The following FOXJ3 variants were observed in gnomAD, a reference collection of about 807,000 sequenced individuals.
FOXJ3 encodes forkhead box protein J3.
Under a neutral mutation model 76.1 loss-of-function variants are expected in FOXJ3, and 22 were observed. The ratio of observed to expected loss-of-function variants is 0.29; its 90% CI spans 0.21 to 0.41. The LOEUF (loss-of-function observed/expected upper bound fraction) is 0.41, where lower values mean the gene tolerates loss of function less well. Among genes scored for constraint, FOXJ3 ranks in the 10% least tolerant of loss-of-function variants. The pLI, the probability that FOXJ3 is intolerant of heterozygous loss-of-function variation, is 1.00. For missense variants in FOXJ3, 613 were observed against 762.1 expected (o/e 0.80, Z 2.30); for synonymous variants, 269 against 261.2 (o/e 1.03, Z -0.29).
At chr1:42,201,091 G>GTGGCTAGTAT (rs1646756113) in intron 6 of FOXJ3, among the ~76,000 whole-genome samples, 1 of 18,330 alleles carries the variant, frequency 5.5e-5, no homozygotes, top group South Asian at 1.8e-3. Flanking sequence ...TTATTTTCAA[G>GTGGCTAGTAT]GCAGAAATAA....
chr1:42,309,869 T>C (rs1397929285), intron 2 of FOXJ3, among the ~76,000 whole-genome samples: 1 of 152,226 alleles, frequency 6.6e-6, no homozygotes, highest in Non-Finnish European at 1.5e-5. Context: ...AGAAGTCATA[T>C]GTTTATCTGC....
Position 42,280,425 on chromosome 1 carries a change from T to C in FOXJ3, c.45-1753A>G, listed in dbSNP as rs1652610103. ...GAACTTTAAATTCATCCATATAGCA[T>C]CTTCAGAGATCTTAAAAAAAAAAAA... is the stretch of plus-strand genomic sequence containing the variant. On this transcript the variant is annotated intron_variant, in intron 2 of 12. Coordinates refer to ENST00000361346, the MANE Select transcript of FOXJ3 (RefSeq NM_014947.5). 4 of 223,730 alleles carry C rather than the reference T, an allele frequency of 1.8e-5. No individual in the cohort carries two copies. In the Middle Eastern group the frequency reaches 7.4e-3, roughly 415 times the overall value. The allele number at this position is 223,730 out of a possible 1,614,324, so 13.9% of individuals were successfully genotyped here.
chr1:42,237,714 A>C (rs1648802453), intron 4 of FOXJ3, among the ~76,000 whole-genome samples: 1 of 151,824 alleles, frequency 6.6e-6, no homozygotes. Context: ...AAGATAGCAA[A>C]TATATTCTCC....
upstream of FOXJ3, chr1:42,335,748 G>C (rs1290884667): frequency 6.6e-6 from 1 of 152,286 alleles, no homozygotes; most frequent in East Asian, 1.9e-4. Flanking sequence ...CCTCTTTTCA[G>C]AACTTCATGA....
intron 3 of FOXJ3, among the ~76,000 whole-genome samples, chr1:42,273,385 A>G (rs1400911689): frequency 2.6e-5 from 4 of 152,202 alleles, no homozygotes; most frequent in African/African-American, 9.7e-5. Context: ...AGACGAAATC[A>G]GCTGAGGACC....
At chr1:42,292,581 C>A (rs1419864341) in intron 2 of FOXJ3, among the ~76,000 whole-genome samples, 3 of 152,088 alleles carry the variant, frequency 2.0e-5, no homozygotes, top group African/African-American at 7.2e-5. Context: ...ATGTAAAAAT[C>A]TAGAAAATGC....
At chr1:42,307,456 T>C (rs1458963830) in intron 2 of FOXJ3, among the ~76,000 whole-genome samples, 1 of 152,230 alleles carries the variant, frequency 6.6e-6, no homozygotes, top group African/African-American at 2.4e-5. Flanking sequence ...ATGTCTATCT[T>C]TGTGATACTT....
At chr1:42,194,530 C>G (rs547945371) in intron 8 of FOXJ3, among the ~76,000 whole-genome samples, 1 of 152,328 alleles carries the variant, frequency 6.6e-6, no homozygotes, top group South Asian at 2.1e-4. Flanking sequence ...AAAAGCAAGG[C>G]ACATCTATTC....
chr1:42,230,171 CA>C (rs2124468217), intron 4 of FOXJ3, among the ~76,000 whole-genome samples: 1 of 152,258 alleles, frequency 6.6e-6, no homozygotes, highest in South Asian at 2.1e-4. Context: ...AAAAGATTCA[CA>C]AAACTAATTG....
intron 11 of FOXJ3, among the ~76,000 whole-genome samples, chr1:42,187,139 T>C (rs1224728491): frequency 1.3e-5 from 2 of 152,238 alleles, no homozygotes; most frequent in Non-Finnish European, 1.5e-5. Flanking sequence ...TGAGCCACCA[T>C]GCCTGGCCGA....
chr1:42,189,503 T>C, intron 9 of FOXJ3, 99 bp from the exon 10 acceptor site: 1 of 778,448 alleles, frequency 1.3e-6, no homozygotes, highest in Non-Finnish European at 2.2e-6. Context: ...ATTGGCTGAT[T>C]CTTGTCCCGT....
At chr1:42,217,577 T>A in intron 5 of FOXJ3, among the ~76,000 whole-genome samples, 1 of 151,852 alleles carries the variant, frequency 6.6e-6, no homozygotes, top group African/African-American at 2.4e-5. Context: ...TACTCCGGAT[T>A]AAATCTAACT....
chr1:42,184,365 C>T (rs2124136185), intron 11 of FOXJ3, among the ~76,000 whole-genome samples: 1 of 152,222 alleles, frequency 6.6e-6, no homozygotes, highest in East Asian at 1.9e-4. Context: ...GAAAGAATTA[C>T]AGGATTATGA....
upstream of FOXJ3, chr1:42,335,323 C>A (rs890265432): frequency 1.3e-5 from 2 of 152,202 alleles, no homozygotes; most frequent in Admixed American, 1.3e-4. Flanking sequence ...GGCGTCAAGT[C>A]CCTGCGCGGT....
intron 5 of FOXJ3, among the ~76,000 whole-genome samples, chr1:42,212,543 A>G (rs1209032034): frequency 6.6e-6 from 1 of 152,156 alleles, no homozygotes; most frequent in East Asian, 1.9e-4. Context: ...AAAGAAAAAA[A>G]ATGAAAAGAA....
rs190315926 is a variant in FOXJ3 at position 42,261,656 on chromosome 1, C to T, written c.444+3459G>A. Among the ~76,000 whole-genome samples the T allele has an allele frequency of 5.5e-3, 835 of 152,246 alleles. 3 individuals carry two copies. Among genetic ancestry groups the T allele is most frequent in the Non-Finnish European group, 9.1e-3 (617 of 68,022 alleles). On this transcript the variant is annotated intron_variant, in intron 4 of 12. Coordinates refer to ENST00000361346, the MANE Select transcript of FOXJ3 (RefSeq NM_014947.5). The stretch of plus-strand genomic sequence containing the variant: ...TAATACAATGAACAGAAAGCTGTAT[C>T]GTGAAAATACAGAGAAGATGCTATA...
intron 1 of FOXJ3, among the ~76,000 whole-genome samples, chr1:42,328,515 T>G (rs1254659088): frequency 6.6e-6 from 1 of 152,098 alleles, no homozygotes; most frequent in East Asian, 1.9e-4. Flanking sequence ...TAGGTCCAAT[T>G]ACATCAAAAT....
At chr1:42,291,847 T>A (rs1363469930) in intron 2 of FOXJ3, among the ~76,000 whole-genome samples, 1 of 151,984 alleles carries the variant, frequency 6.6e-6, no homozygotes, top group East Asian at 1.9e-4. Context: ...CAAAACTCAA[T>A]GAGATGAGAA....
intron 1 of FOXJ3, among the ~76,000 whole-genome samples, chr1:42,334,423 G>A (rs1557734509): frequency 6.6e-6 from 1 of 152,190 alleles, no homozygotes; most frequent in African/African-American, 2.4e-5. Context: ...GCTGGGAGGG[G>A]GGGCGGGAGA....
Sources: gnomAD v4.1 joint callset for allele counts (sites outside exome capture counted in the v4.1 genomes callset) on GRCh38, gnomAD v4.1.1 for gene constraint, MANE v1.5 for transcripts, NCBI Gene and HGNC (gene_info 2026-07-23, HGNC 2026-07-21) for gene names.